Variants in CUL3 observed in about 807,000 individuals in gnomAD.
CUL3 encodes cullin 3, also known as cullin-3.
A neutral mutation model predicts 89.1 loss-of-function variants in CUL3; 19 were observed. The observed-to-expected ratio is 0.21, with a 90% CI of 0.15 to 0.31. The LOEUF (loss-of-function observed/expected upper bound fraction) is 0.31. Ranked by LOEUF, CUL3 falls within the 10% of genes least tolerant of loss-of-function variation. The pLI is 1.00. For synonymous variants in CUL3, 351 were observed against 308.4 expected (o/e 1.14, Z -1.45); for missense variants, 469 against 942.3 (o/e 0.50, Z 6.58).
Position 224,485,649 on chromosome 2 carries a change from G to C in CUL3, c.1843-3571C>G, listed in dbSNP as rs1213281410. ...ATAAAACTCCCATCTCCCTGGGACA[G>C]AGCACCTGGGAAGAAGGCAGCTATG... On this transcript the variant is annotated intron_variant, in intron 13 of 15. Coordinates refer to ENST00000264414, the MANE Select transcript of CUL3 (RefSeq NM_003590.5). The surrounding 1 kb of genome is among the most constrained non-coding windows in gnomAD (Gnocchi z 4.1). Among the ~76,000 whole-genome samples the C allele has an allele frequency of 6.6e-6, 1 of 152,228 alleles. No homozygotes were observed. The highest frequency in any genetic ancestry group is 2.4e-5 in the African/African-American group (1 of 41,458).
chr2:224,483,120 CTACT>C (rs1559338281), intron 13 of CUL3, among the ~76,000 whole-genome samples: 2 of 152,152 alleles, frequency 1.3e-5, no homozygotes, highest in African/African-American at 4.8e-5. Context: ...TTATATCTAC[CTACT>C]TTAGACATTT....
At chr2:224,549,878 G>GCACACA (rs925475521) in intron 2 of CUL3, among the ~76,000 whole-genome samples, 1 of 150,640 alleles carries the variant, frequency 6.6e-6, no homozygotes, top group African/African-American at 2.4e-5. Context: ...ACACACACAC[G>GCACACA]CACACACACA....
At chr2:224,558,673 A>G (rs553369689) in intron 1 of CUL3, among the ~76,000 whole-genome samples, 3 of 152,192 alleles carry the variant, frequency 2.0e-5, no homozygotes, top group Non-Finnish European at 4.4e-5. Flanking sequence ...ACATTTTAAC[A>G]AGAACCCAAT....
intron 5 of CUL3, among the ~76,000 whole-genome samples, chr2:224,513,209 T>C (rs988995095): frequency 6.6e-6 from 1 of 152,218 alleles, no homozygotes; most frequent in Non-Finnish European, 1.5e-5. Flanking sequence ...AGTTAAGTTT[T>C]TGGGGAGTCA....
chr2:224,524,461 C>G (rs962637306), intron 3 of CUL3, among the ~76,000 whole-genome samples: 1 of 151,928 alleles, frequency 6.6e-6, no homozygotes, highest in Non-Finnish European at 1.5e-5. Flanking sequence ...GGCTGAAGAT[C>G]TGTGCTGAAG....
At chr2:224,518,337 T>C (rs971230723) in intron 3 of CUL3, among the ~76,000 whole-genome samples, 6 of 152,240 alleles carry the variant, frequency 3.9e-5, no homozygotes, top group East Asian at 1.9e-4. Flanking sequence ...CAGCACTCCA[T>C]TGCATGGATA....
Position 224,511,402 on chromosome 2 carries a change from T to C in CUL3, c.835A>G (p.Met279Val). ...ATATGTACTAGCCCAGAATTCTCCA[T>C]TTCTACTATAGTCTTCATGTGCTTG... ...ISKHMKTIVE[M>V]ENSGLVHMLK... Residue 279 changes from methionine to valine, a missense_variant, in exon 6 of 16, where the codon ATG (methionine) becomes GTG (valine). Met to Val is a conservative substitution (Grantham distance 21). Coordinates refer to ENST00000264414, the MANE Select transcript of CUL3 (RefSeq NM_003590.5). The C allele has an allele frequency of 1.2e-6, 2 of 1,613,748 alleles. No individual in the cohort carries two copies. The highest frequency in any genetic ancestry group is 1.3e-5 in the African/African-American group (1 of 75,034).
chr2:224,548,189 T>C (rs1294820071), intron 2 of CUL3, among the ~76,000 whole-genome samples: 7 of 152,354 alleles, frequency 4.6e-5, no homozygotes, highest in East Asian at 1.9e-4. Flanking sequence ...TAGAACAGAT[T>C]ATGACTACAA....
intron 2 of CUL3, among the ~76,000 whole-genome samples, chr2:224,556,093 C>A (rs898896753): frequency 6.6e-6 from 1 of 152,080 alleles, no homozygotes; most frequent in African/African-American, 2.4e-5. Context: ...ATGTAATTCC[C>A]TTTAAGAGAA....
chr2:224,570,495 CT>C (rs1276933567), intron 1 of CUL3, among the ~76,000 whole-genome samples: 2 of 152,156 alleles, frequency 1.3e-5, no homozygotes, highest in African/African-American at 4.8e-5. Context: ...TTGTTTCTTC[CT>C]TGCCTATGTA....
At chr2:224,490,296 C>T (rs995267763) in intron 13 of CUL3, among the ~76,000 whole-genome samples, 40 of 152,296 alleles carry the variant, frequency 2.6e-4, no homozygotes, top group African/African-American at 8.9e-4. Flanking sequence ...GCAGAAATAA[C>T]GGCATAAGCT....
intron 10 of CUL3, 38 bp downstream of exon 10, chr2:224,502,927 A>G (rs376009071): frequency 7.0e-7 from 1 of 1,426,166 alleles, no homozygotes; most frequent in African/African-American, 1.4e-5. Flanking sequence ...AAAAGACTTT[A>G]CATGAATATC....
chr2:224,550,716 A>T (rs1694481533), intron 2 of CUL3, among the ~76,000 whole-genome samples: 1 of 152,132 alleles, frequency 6.6e-6, no homozygotes, highest in Non-Finnish European at 1.5e-5. Context: ...CATCCAAAAT[A>T]TATCTTGTAT....
rs1340077199 is a variant in CUL3, at chr2:224,561,417, T to G, written c.67-3561A>C. Among the ~76,000 whole-genome samples, 3 of 152,138 alleles carry G rather than the reference T, an allele frequency of 2.0e-5. No individual in the cohort carries two copies. In the East Asian group the frequency reaches 5.8e-4, roughly 29 times the overall value. ...GGAATCCTCTCCAAGTCACGTCTGATGTGTATGAATGTGAAAAGAGGAAGG... is the reference window on the plus strand; with the variant it reads ...GGAATCCTCTCCAAGTCACGTCTGAGGTGTATGAATGTGAAAAGAGGAAGG... On this transcript the variant is annotated intron_variant, in intron 1 of 15. Coordinates refer to ENST00000264414, the MANE Select transcript of CUL3 (RefSeq NM_003590.5).
chr2:224,557,881 GACAAAA>G, intron 1 of CUL3, 25 bp from the exon 2 acceptor site: 1 of 53,728 alleles, frequency 1.9e-5, no homozygotes, highest in South Asian at 5.2e-4. Context: ...AGAGAGAAGA[GACAAAA>G]AAAAAAAAAA....
At chr2:224,557,638 C>G (rs2106303917) in intron 2 of CUL3, 21 bp downstream of exon 2, 1 of 1,524,964 alleles carries the variant, frequency 6.6e-7, no homozygotes, top group South Asian at 1.1e-5. Context: ...GTATTAGCAA[C>G]AGTCCTTTAA....
rs12464273 is a variant in CUL3, at chr2:224,538,926, C to T, written c.265-3285G>A. Among the ~76,000 whole-genome samples the T allele has an allele frequency of 9.6e-3, 1,468 of 152,132 alleles. 12 individuals carry two copies. Among genetic ancestry groups the T allele is most frequent in the Admixed American group, 0.022 (329 of 15,284 alleles). On this transcript the variant is annotated intron_variant, in intron 2 of 15. Transcript: ENST00000264414. ...GTGTGTCCGTGGTCTCAGCTACTCA[C>T]GAGGCTGAGGGGGTAGGATTGTTTG...
chr2:224,569,721 C>G, intron 1 of CUL3: 1 of 1,219,756 alleles, frequency 8.2e-7, no homozygotes. Flanking sequence ...ACTGAGAGAA[C>G]TACATCATGA....
At chr2:224,482,956 A>G (rs529288797) in intron 13 of CUL3, among the ~76,000 whole-genome samples, 1 of 152,318 alleles carries the variant, frequency 6.6e-6, no homozygotes, top group South Asian at 2.1e-4. Context: ...TATTCAGATT[A>G]TACGAGTAAC....
Sources: gnomAD v4.1 joint callset for allele counts (sites outside exome capture counted in the v4.1 genomes callset) on GRCh38, gnomAD v4.1.1 for gene constraint, Gnocchi (gnomAD v3.1) non-coding constraint, MANE v1.5 for transcripts, NCBI Gene and HGNC (gene_info 2026-07-23, HGNC 2026-07-21) for gene names.